Variants in SLC4A10 observed in about 807,000 individuals in gnomAD.
SLC4A10 encodes solute carrier family 4 member 10.
In SLC4A10, 42 loss-of-function variants were observed where a neutral mutation model predicts 137.7. The ratio of observed to expected loss-of-function variants is 0.30; its 90% CI spans 0.24 to 0.39. The LOEUF is 0.39. Among genes scored for constraint, SLC4A10 ranks in the 10% least tolerant of loss-of-function variants. The pLI is 1.00. For synonymous variants in SLC4A10, 474 were observed against 464.1 expected (o/e 1.02, Z -0.27); for missense variants, 925 against 1,355.0 (o/e 0.68, Z 4.98).
intron 1 of SLC4A10, among the ~76,000 whole-genome samples, chr2:161,645,334 A>T (rs1207166522): frequency 6.6e-6 from 1 of 152,096 alleles, no homozygotes; most frequent in Non-Finnish European, 1.5e-5. Context: ...ATACTACAAG[A>T]CTTCTTGTTA....
intron 1 of SLC4A10, among the ~76,000 whole-genome samples, chr2:161,668,897 A>G (rs909387497): frequency 6.6e-6 from 1 of 151,902 alleles, no homozygotes; most frequent in African/African-American, 2.4e-5. Flanking sequence ...TTATTTCACT[A>G]TGAATGTTCT....
intron 15 of SLC4A10, among the ~76,000 whole-genome samples, chr2:161,921,279 T>C (rs1031499728): frequency 6.6e-6 from 1 of 152,202 alleles, no homozygotes; most frequent in African/African-American, 2.4e-5. Context: ...TCACTAGATC[T>C]GAGAGTAGTT....
chr2:161,943,500 C>T (rs1218272893), intron 16 of SLC4A10, among the ~76,000 whole-genome samples: 1 of 152,000 alleles, frequency 6.6e-6, no homozygotes, highest in Non-Finnish European at 1.5e-5. Flanking sequence ...TGACTTTTCT[C>T]TACTTTGTGA....
intron 23 of SLC4A10, among the ~76,000 whole-genome samples, chr2:161,972,817 AG>A (rs1698783961): frequency 6.6e-6 from 1 of 152,180 alleles, no homozygotes; most frequent in Non-Finnish European, 1.5e-5. Context: ...CCCAGCAGAG[AG>A]GGGCTTTCCT....
chr2:161,715,094 C>T (rs1423867796), intron 1 of SLC4A10, among the ~76,000 whole-genome samples: 2 of 151,838 alleles, frequency 1.3e-5, no homozygotes, highest in Non-Finnish European at 2.9e-5. Context: ...ATATAGTATA[C>T]TGAAAAAGAA....
At chr2:161,740,292 G>C (rs748225248) in intron 1 of SLC4A10, among the ~76,000 whole-genome samples, 11 of 152,112 alleles carry the variant, frequency 7.2e-5, no homozygotes, top group Non-Finnish European at 1.6e-4. Flanking sequence ...CAATTCCAGA[G>C]TCAGTCCTAG....
Position 161,968,862 on chromosome 2 carries a change from G to C in SLC4A10, c.3159+3689G>C, listed in dbSNP as rs568370887. ...TAATTATACTAAAAGTTAAATTCCT[G>C]GTTGATTTGTTTGCCCGGATCTTGG... On this transcript the variant is annotated intron_variant, in intron 23 of 26. Transcript: ENST00000446997. 3.3e-5 allele frequency among the ~76,000 whole-genome samples: 5 copies of C among 152,302 alleles called. No homozygotes were observed. The East Asian group carries it at 7.7e-4, about 23-fold the overall frequency.
intron 3 of SLC4A10, among the ~76,000 whole-genome samples, chr2:161,836,163 G>A (rs529211665): frequency 1.6e-4 from 25 of 152,312 alleles, no homozygotes; most frequent in African/African-American, 5.1e-4. Context: ...TATCAGAAGC[G>A]AAGAGAAAGA....
At chr2:161,963,913 C>G (rs1056625955) in intron 21 of SLC4A10, among the ~76,000 whole-genome samples, 7 of 152,110 alleles carry the variant, frequency 4.6e-5, no homozygotes, top group Non-Finnish European at 1.0e-4. Context: ...TAAATTGTAA[C>G]CCGTCTCCAT....
chr2:161,951,759 G>A (rs192920263), intron 19 of SLC4A10, among the ~76,000 whole-genome samples: 45 of 152,124 alleles, frequency 3.0e-4, no homozygotes, highest in Non-Finnish European at 5.3e-4. Flanking sequence ...ATTAAACTCT[G>A]ATGCAATATA....
intron 1 of SLC4A10, among the ~76,000 whole-genome samples, chr2:161,655,414 G>A (rs1308396038): frequency 6.6e-6 from 1 of 152,152 alleles, no homozygotes; most frequent in African/African-American, 2.4e-5. Context: ...GAAATGACGA[G>A]AATGGTCATC....
At chr2:161,780,431 T>C (rs1452251991) in intron 2 of SLC4A10, among the ~76,000 whole-genome samples, 10 of 151,992 alleles carry the variant, frequency 6.6e-5, no homozygotes, top group East Asian at 1.9e-4. Context: ...GTTAGCCAAG[T>C]ATGCCCTTAT....
chr2:161,725,349 T>G (rs2046103261), intron 1 of SLC4A10, among the ~76,000 whole-genome samples: 1 of 152,190 alleles, frequency 6.6e-6, no homozygotes, highest in South Asian at 2.1e-4. Context: ...TACTCATCTG[T>G]TTTAAAGATT....
chr2:161,799,889 G>A (rs2055184946), intron 2 of SLC4A10, among the ~76,000 whole-genome samples: 1 of 151,840 alleles, frequency 6.6e-6, no homozygotes, highest in Non-Finnish European at 1.5e-5. Context: ...ATTTATATAG[G>A]AATTACTATA....
intron 19 of SLC4A10, among the ~76,000 whole-genome samples, chr2:161,953,512 G>C (rs138988641): frequency 0.013 from 1,996 of 152,158 alleles, 39 homozygotes; most frequent in East Asian, 0.097. Flanking sequence ...GGAGGCTGAG[G>C]CAGGAGAATC....
chr2:161,947,443 G>A (rs571262850), intron 16 of SLC4A10, 123 bp from the exon 17 acceptor site: 1 of 959,404 alleles, frequency 1.0e-6, no homozygotes, highest in South Asian at 2.1e-5. Context: ...CTAAATCATT[G>A]TGAGAGCCAT....
At chr2:161,966,929 A>T (rs1697712045) in intron 23 of SLC4A10, among the ~76,000 whole-genome samples, 1 of 152,200 alleles carries the variant, frequency 6.6e-6, no homozygotes, top group Non-Finnish European at 1.5e-5. Flanking sequence ...TCTATATTTG[A>T]TGTAAATAAA....
At chr2:161,915,185 A>C (rs555494781) in intron 15 of SLC4A10, among the ~76,000 whole-genome samples, 1 of 152,042 alleles carries the variant, frequency 6.6e-6, no homozygotes, top group Admixed American at 6.6e-5. Flanking sequence ...GGAAAGAGGC[A>C]ACTTGACTTC....
At chr2:161,812,745 C>T (rs967874671) in intron 3 of SLC4A10, among the ~76,000 whole-genome samples, 1 of 151,984 alleles carries the variant, frequency 6.6e-6, no homozygotes, top group Non-Finnish European at 1.5e-5. Context: ...ATATGTACCA[C>T]ATTTTCTTTA....
Sources: gnomAD v4.1 joint callset for allele counts (sites outside exome capture counted in the v4.1 genomes callset) on GRCh38, gnomAD v4.1.1 for gene constraint, MANE v1.5 for transcripts, NCBI Gene and HGNC (gene_info 2026-07-23, HGNC 2026-07-21) for gene names.